The following ARHGAP24 variants were observed in gnomAD, a reference collection of about 807,000 sequenced individuals.
The protein encoded by ARHGAP24 is Rho GTPase activating protein 24.
ARHGAP24 carries 50 observed loss-of-function variants against 76.4 expected under a neutral mutation model. The ratio of observed to expected loss-of-function variants is 0.65; its 90% confidence interval spans 0.52 to 0.83. The LOEUF (loss-of-function observed/expected upper bound fraction) is 0.83, where lower values mean the gene tolerates loss of function less well. ARHGAP24 is among the 40% of genes least tolerant of loss of function. The probability of loss-of-function intolerance (pLI) is 0.00; values close to 1 mark genes in which losing one functional copy is unlikely to be tolerated. For synonymous variants in ARHGAP24, 345 were observed against 323.3 expected, an observed-to-expected ratio of 1.07 and a Z score of -0.72; for missense variants, 930 against 914.2, an observed-to-expected ratio of 1.02 and a Z score of -0.22.
At chr4:85,749,076 G>T (rs1315833298) in intron 3 of ARHGAP24, among the ~76,000 whole-genome samples, 1 of 152,140 alleles carries the variant, frequency 6.6e-6, no homozygotes, top group Non-Finnish European at 1.5e-5. Context: ...CAGGACTCCA[G>T]CCCAACATGA....
intron 3 of ARHGAP24, among the ~76,000 whole-genome samples, chr4:85,735,124 T>C (rs1018058077): frequency 6.6e-6 from 1 of 152,178 alleles, no homozygotes; most frequent in East Asian, 1.9e-4. Context: ...TGTTATGTAA[T>C]TTTGGCTCCT....
intron 4 of ARHGAP24, 86 bp downstream of exon 4, chr4:85,923,856 C>T: frequency 6.4e-7 from 1 of 1,574,060 alleles, no homozygotes; most frequent in South Asian, 1.1e-5. Flanking sequence ...ACTATTAGCT[C>T]CTGTATTCAA....
intron 2 of ARHGAP24, among the ~76,000 whole-genome samples, chr4:85,602,810 C>T (rs1328386335): frequency 1.3e-5 from 2 of 152,056 alleles, no homozygotes; most frequent in Admixed American, 6.6e-5. Flanking sequence ...CTCTTGGCGT[C>T]CTATTCTAAA....
chr4:85,518,640 C>T (rs1238894575), intron 1 of ARHGAP24, among the ~76,000 whole-genome samples: 1 of 152,134 alleles, frequency 6.6e-6, no homozygotes, highest in Non-Finnish European at 1.5e-5. Context: ...TCCTGAGTTA[C>T]TTCACCTAGA....
intron 2 of ARHGAP24, among the ~76,000 whole-genome samples, chr4:85,576,250 C>T (rs373511447): frequency 4.6e-5 from 7 of 152,006 alleles, no homozygotes; most frequent in African/African-American, 1.7e-4. Context: ...CACGGTGAAA[C>T]CCCGTCTCTA....
chr4:85,666,907 T>G (rs1224382382), intron 2 of ARHGAP24, among the ~76,000 whole-genome samples: 1 of 152,178 alleles, frequency 6.6e-6, no homozygotes. Flanking sequence ...CTGCCCATAC[T>G]GGGGGGTACC....
chr4:85,663,860 G>A (rs1194122971), intron 2 of ARHGAP24, among the ~76,000 whole-genome samples: 6 of 151,288 alleles, frequency 4.0e-5, no homozygotes, highest in Non-Finnish European at 4.4e-5. Context: ...TGCATCCCAG[G>A]GATGAAGCCC....
intron 2 of ARHGAP24, among the ~76,000 whole-genome samples, chr4:85,694,617 A>G (rs1207445629): frequency 6.6e-6 from 1 of 152,180 alleles, no homozygotes. Flanking sequence ...AAAGCTTCTC[A>G]TCCTTGAAGA....
At position 85,496,679 on chromosome 4, in the gene ARHGAP24, G is replaced by A. The variant is rs377683076; in HGVS notation, c.-21+21120G>A. Among the ~76,000 whole-genome samples the A allele has an allele frequency of 3.3e-5, 5 of 152,318 alleles. No homozygotes were observed. In the South Asian group the frequency reaches 8.3e-4, roughly 25 times the overall value. Reference sequence around the variant, plus strand: ...TGTAGCAAGCTCCCGGGTATATTAAGTGGTAATAATAAAAAAGGCAGAGTC... The same window carrying A: ...TGTAGCAAGCTCCCGGGTATATTAAATGGTAATAATAAAAAAGGCAGAGTC... On this transcript the variant is annotated intron_variant, in intron 1 of 9. Coordinates refer to ENST00000395184, the MANE Select transcript of ARHGAP24 (RefSeq NM_001025616.3).
intron 3 of ARHGAP24, among the ~76,000 whole-genome samples, chr4:85,890,027 A>G (rs1414411152): frequency 6.6e-6 from 1 of 152,094 alleles, no homozygotes; most frequent in Admixed American, 6.6e-5. Flanking sequence ...ATGTATATAT[A>G]GTTTCCTTCC....
intron 2 of ARHGAP24, among the ~76,000 whole-genome samples, chr4:85,690,658 G>A (rs1427254524): frequency 6.7e-6 from 1 of 149,268 alleles, no homozygotes; most frequent in Non-Finnish European, 1.5e-5. Context: ...TAGTTGTAAT[G>A]TCATCTTTGT....
chr4:85,664,477 A>T (rs1722531217), intron 2 of ARHGAP24, among the ~76,000 whole-genome samples: 1 of 150,738 alleles, frequency 6.6e-6, no homozygotes, highest in Non-Finnish European at 1.5e-5. Flanking sequence ...TGGATTCATT[A>T]ATTTTTTGAA....
chr4:85,690,259 AAAGAAAAAAAAATTCTTTTTT>A (rs1451099287), intron 2 of ARHGAP24, among the ~76,000 whole-genome samples: 1 of 151,594 alleles, frequency 6.6e-6, no homozygotes, highest in Admixed American at 6.6e-5. Context: ...ATCAGAAATA[AAAGAAAAAAAAATTCTTTTTT>A]ATTGTGTCTG....
At chr4:85,576,285 C>T (rs141621369) in intron 2 of ARHGAP24, among the ~76,000 whole-genome samples, 3,397 of 152,206 alleles carry the variant, frequency 0.022, 142 homozygotes, top group African/African-American at 0.078. Context: ...ACAAAATTAG[C>T]CGGGCATGGT....
chr4:85,485,199 T>A (rs534992087), intron 1 of ARHGAP24, among the ~76,000 whole-genome samples: 1 of 149,430 alleles, frequency 6.7e-6, no homozygotes, highest in South Asian at 2.1e-4. Flanking sequence ...ATACAAAAAA[T>A]TAGCTGGGCT....
At chr4:85,925,050 A>T (rs929782272) in intron 4 of ARHGAP24, among the ~76,000 whole-genome samples, 9 of 152,336 alleles carry the variant, frequency 5.9e-5, no homozygotes, top group African/African-American at 1.9e-4. Context: ...TGAAAACACC[A>T]GCTGAATCCC....
At chr4:85,834,736 CA>C (rs2110139785) in intron 3 of ARHGAP24, among the ~76,000 whole-genome samples, 1 of 152,322 alleles carries the variant, frequency 6.6e-6, no homozygotes, top group Non-Finnish European at 1.5e-5. Flanking sequence ...ATGAAGGCCT[CA>C]ATCTAGAGTT....
rs1735978975 is a variant in ARHGAP24 at position 85,925,622 on chromosome 4, A to G, written c.391+1852A>G. On this transcript the variant is annotated intron_variant, in intron 4 of 9. Coordinates refer to ENST00000395184, the MANE Select transcript of ARHGAP24 (RefSeq NM_001025616.3). ...TGCTATAATTGTTCTATTTTATTAGAATATTGTTATTGTTGTTAATCTTTT... is the reference window on the plus strand; with the variant it reads ...TGCTATAATTGTTCTATTTTATTAGGATATTGTTATTGTTGTTAATCTTTT... Among the ~76,000 whole-genome samples the G allele has an allele frequency of 3.3e-5, 5 of 152,200 alleles. No homozygotes were observed. The South Asian group carries it at 1.0e-3, about 31-fold the overall frequency.
At chr4:85,713,744 G>A (rs1466173701) in intron 2 of ARHGAP24, among the ~76,000 whole-genome samples, 1 of 152,126 alleles carries the variant, frequency 6.6e-6, no homozygotes, top group Non-Finnish European at 1.5e-5. Context: ...ACAATTCAGG[G>A]TGGGAAAAGG....
Sources: allele counts gnomAD v4.1 joint callset (sites outside exome capture counted in the v4.1 genomes callset), GRCh38; gene constraint gnomAD v4.1.1; transcripts MANE v1.5; gene names NCBI Gene and HGNC (gene_info 2026-07-23, HGNC 2026-07-21).